Variants in APBA2 observed in about 807,000 individuals in gnomAD.
APBA2 encodes amyloid beta precursor protein binding family A member 2, also known as amyloid-beta A4 precursor protein-binding family A member 2.
Under a neutral mutation model 75.0 loss-of-function variants are expected in APBA2, and 30 were observed. The ratio of observed to expected loss-of-function variants is 0.40; its 90% CI spans 0.30 to 0.54. The LOEUF (loss-of-function observed/expected upper bound fraction) is 0.54, where lower values mean the gene tolerates loss of function less well. Ranked by LOEUF, APBA2 falls within the 20% of genes least tolerant of loss-of-function variation. APBA2 has a pLI of 0.49. For missense variants in APBA2, 801 were observed against 1,016.1 expected (o/e 0.79, Z 2.88); for synonymous variants, 444 against 409.6 (o/e 1.08, Z -1.01).
chr15:28,961,108 A>G lies in APBA2; in HGVS notation c.-94-34645A>G, dbSNP rs111686410. On this transcript the variant is annotated intron_variant, in intron 2 of 14. Transcript: ENST00000683413. ...AAGACCCAGGGAGATGATGAGTCAC[A>G]CCGGGAAGTGATTCATTTGCTTACT... 2.8e-3 allele frequency among the ~76,000 whole-genome samples: 426 copies of G among 152,264 alleles called. 1 individual carries two copies. Among genetic ancestry groups the G allele is most frequent in the Non-Finnish European group, 5.0e-3 (343 of 68,030 alleles).
chr15:28,961,850 A>G (rs768671044), intron 2 of APBA2, among the ~76,000 whole-genome samples: 3 of 152,178 alleles, frequency 2.0e-5, no homozygotes, highest in Non-Finnish European at 4.4e-5. Context: ...ATTTTTAAGC[A>G]TATTTTTAAA....
chr15:29,069,931 A>G (rs2042545276), intron 4 of APBA2, among the ~76,000 whole-genome samples: 1 of 152,252 alleles, frequency 6.6e-6, no homozygotes, highest in Non-Finnish European at 1.5e-5. Context: ...CTGTGAAGAG[A>G]CAGTGAACAA....
At chr15:28,927,469 T>C (rs944700138) in intron 2 of APBA2, among the ~76,000 whole-genome samples, 10 of 152,170 alleles carry the variant, frequency 6.6e-5, no homozygotes, top group African/African-American at 2.2e-4. Context: ...AATGATTTTC[T>C]TCTCCATTGT....
At chr15:29,072,114 G>A (rs547340346) in intron 4 of APBA2, among the ~76,000 whole-genome samples, 3 of 152,302 alleles carry the variant, frequency 2.0e-5, no homozygotes, top group Admixed American at 2.0e-4. Context: ...CATCTGTGGC[G>A]CTCCCTCTGC....
chr15:28,899,119 G>A (rs1010200083), intron 1 of APBA2, among the ~76,000 whole-genome samples: 6 of 152,234 alleles, frequency 3.9e-5, no homozygotes, highest in South Asian at 2.1e-4. Context: ...GAGATGTGGC[G>A]CATGGAGAAC....
At chr15:28,997,926 T>C (rs540226954) in intron 3 of APBA2, among the ~76,000 whole-genome samples, 3 of 152,176 alleles carry the variant, frequency 2.0e-5, no homozygotes, top group Non-Finnish European at 4.4e-5. Flanking sequence ...TCTCTGCAGC[T>C]TCCCAGCAGA....
chr15:29,116,119 G>A (rs74721511), intron 14 of APBA2, among the ~76,000 whole-genome samples: 3 of 152,152 alleles, frequency 2.0e-5, no homozygotes, highest in Admixed American at 6.5e-5. Context: ...CGCAAAGAAG[G>A]ATTACAAGGC....
chr15:28,913,070 A>G (rs753803396), intron 1 of APBA2, among the ~76,000 whole-genome samples: 3 of 152,224 alleles, frequency 2.0e-5, no homozygotes, highest in Non-Finnish European at 4.4e-5. Flanking sequence ...TTTGTCGTAT[A>G]TAAAGCAGCA....
intron 4 of APBA2, among the ~76,000 whole-genome samples, chr15:29,066,296 C>T (rs949162547): frequency 2.0e-5 from 3 of 152,134 alleles, no homozygotes; most frequent in Admixed American, 1.3e-4. Flanking sequence ...TGCTGCATTG[C>T]GGCCTTGTAT....
chr15:29,015,122 A>G (rs1260710964), intron 3 of APBA2, among the ~76,000 whole-genome samples: 3 of 152,048 alleles, frequency 2.0e-5, no homozygotes, highest in African/African-American at 7.2e-5. Context: ...TGATGTTTAT[A>G]TGACTGCTAT....
In APBA2 at chr15:29,105,419, T is replaced by A. The variant is rs1419370407; in HGVS notation, c.1565T>A (p.Val522Glu). The A allele has an allele frequency of 1.2e-6, 2 of 1,613,108 alleles. No individual in the cohort carries two copies. The highest frequency in any genetic ancestry group is 1.7e-6 in the Non-Finnish European group (2 of 1,179,996). ...CAGTCTATCGGCCAGGCCTTCAGCG[T>A]GGCCTACCAGGAGTTCCTGCGAGCC... The part of the protein sequence containing the change: ...IAQSIGQAFS[V>E]AYQEFLRANG... Residue 522 changes from valine (V) to glutamate (E), a missense_variant, in exon 11 of 15, where the codon GTG (valine) becomes GAG (glutamate). Physicochemically the swap from Val to Glu is moderately radical, Grantham distance 121. This residue lies in a region of APBA2 where 367 missense variants were observed against 544.5 expected (regional missense o/e 0.67). Coordinates refer to ENST00000683413, the MANE Select transcript of APBA2 (RefSeq NM_001353788.2).
chr15:28,988,483 C>T (rs2038046901), intron 2 of APBA2, among the ~76,000 whole-genome samples: 3 of 152,238 alleles, frequency 2.0e-5, no homozygotes, highest in South Asian at 2.1e-4. Context: ...AGGCTGGTCT[C>T]GAACTCCTGG....
chr15:29,104,242 C>T (rs2152967972), intron 10 of APBA2, among the ~76,000 whole-genome samples: 1 of 152,348 alleles, frequency 6.6e-6, no homozygotes, highest in South Asian at 2.1e-4. Flanking sequence ...TGCAGGACCC[C>T]CTTGAGGGCA....
At chr15:28,956,261 T>C (rs1380242030) in intron 2 of APBA2, among the ~76,000 whole-genome samples, 1 of 152,108 alleles carries the variant, frequency 6.6e-6, no homozygotes, top group Non-Finnish European at 1.5e-5. Flanking sequence ...TATGCAGTTG[T>C]ACACCATGGT....
At chr15:29,002,665 T>G (rs946978924) in intron 3 of APBA2, among the ~76,000 whole-genome samples, 2 of 152,148 alleles carry the variant, frequency 1.3e-5, no homozygotes, top group Non-Finnish European at 2.9e-5. Flanking sequence ...GTATTCATTG[T>G]TCATCTAAAA....
intron 1 of APBA2, among the ~76,000 whole-genome samples, chr15:28,899,567 G>A (rs1396347848): frequency 6.6e-6 from 1 of 152,174 alleles, no homozygotes; most frequent in Non-Finnish European, 1.5e-5. Flanking sequence ...GTATGCTCAG[G>A]GCGTCGTGTG....
At chr15:29,113,254 C>T (rs967574063) in intron 13 of APBA2, among the ~76,000 whole-genome samples, 1 of 152,062 alleles carries the variant, frequency 6.6e-6, no homozygotes, top group Admixed American at 6.6e-5. Flanking sequence ...ATGGAAGCCC[C>T]CACCGCTGCA....
At chr15:29,085,440 G>A (rs946715506) in intron 6 of APBA2, among the ~76,000 whole-genome samples, 4 of 151,176 alleles carry the variant, frequency 2.6e-5, no homozygotes, top group African/African-American at 9.8e-5. Context: ...CAGGAGAATG[G>A]CGTGAACCCG....
chr15:29,071,588 G>T (rs1347585643), intron 4 of APBA2, among the ~76,000 whole-genome samples: 4 of 147,012 alleles, frequency 2.7e-5, no homozygotes, highest in South Asian at 4.5e-4. Context: ...GATTTAAATA[G>T]TATCTTTATC....
Sources: gnomAD v4.1 joint callset for allele counts (sites outside exome capture counted in the v4.1 genomes callset) on GRCh38, gnomAD v4.1.1 for gene constraint, gnomAD v4.1.1 regional missense constraint, MANE v1.5 for transcripts, NCBI Gene and HGNC (gene_info 2026-07-23, HGNC 2026-07-21) for gene names.